GNA15: variants seen among roughly 807,000 people sequenced by gnomAD.
GNA15 encodes the protein G protein subunit alpha 15.
A neutral mutation model predicts 40.1 loss-of-function variants in GNA15; 23 were observed. The observed-to-expected ratio is 0.57, with a 90% confidence interval of 0.41 to 0.81. The LOEUF (loss-of-function observed/expected upper bound fraction) is 0.81. GNA15 is among the 40% of genes least tolerant of loss of function. The pLI is 0.00. For missense variants in GNA15, 522 were observed against 515.8 expected, an observed-to-expected ratio of 1.01 and a Z score of -0.12; for synonymous variants, 226 against 210.4, an observed-to-expected ratio of 1.07 and a Z score of -0.64.
At chr19:3,147,744 G>A (rs1288728208) in intron 1 of GNA15, among the ~76,000 whole-genome samples, 7 of 150,898 alleles carry the variant, frequency 4.6e-5, no homozygotes, top group Admixed American at 2.6e-4. Flanking sequence ...AAAATTAGCC[G>A]GGCGTGGTGG....
chr19:3,155,748 C>T lies in GNA15; in HGVS notation c.615-75C>T. 1.3e-6 allele frequency: 2 copies of T among 1,536,004 alleles called. No individual in the cohort carries two copies. The highest frequency in any genetic ancestry group is 1.8e-6 in the Non-Finnish European group (2 of 1,135,156). ...CGCTATTATGGATCTTGGCATATCC[C>T]AGACGTGATGGGGGTTGGGGGTGTC... On this transcript the variant is annotated intron_variant, in intron 4 of 6. Coordinates refer to ENST00000262958, the MANE Select transcript of GNA15 (RefSeq NM_002068.4). This position sits in a 1 kb window ranked among gnomAD's most constrained non-coding sequence, Gnocchi z 5.6.
chr19:3,156,342 C>A (rs1915020318), intron 5 of GNA15, among the ~76,000 whole-genome samples: 1 of 152,060 alleles, frequency 6.6e-6, no homozygotes, highest in Admixed American at 6.5e-5. Context: ...CACACGAACA[C>A]ACATGCACCA....
intron 1 of GNA15, among the ~76,000 whole-genome samples, chr19:3,137,311 G>A (rs1024872023): frequency 1.3e-5 from 2 of 152,162 alleles, no homozygotes; most frequent in Non-Finnish European, 2.9e-5. Context: ...GCTTCCATGC[G>A]GAGGCTTCAG....
intron 1 of GNA15, chr19:3,142,423 T>C (rs1320861667): frequency 3.9e-5 from 6 of 152,190 alleles, no homozygotes; most frequent in African/African-American, 1.4e-4. Flanking sequence ...AGGATTATCA[T>C]TTATTTCCTA....
intron 1 of GNA15, among the ~76,000 whole-genome samples, chr19:3,146,777 C>T (rs1420983030): frequency 6.6e-6 from 1 of 152,054 alleles, no homozygotes; most frequent in Non-Finnish European, 1.5e-5. Flanking sequence ...CCAGAGGGCG[C>T]CTGTGAGCAC....
intron 6 of GNA15, among the ~76,000 whole-genome samples, chr19:3,161,247 C>T (rs954821128): frequency 6.6e-6 from 1 of 152,212 alleles, no homozygotes; most frequent in Admixed American, 6.5e-5. Flanking sequence ...AGCCCTCATG[C>T]CTGGCCATGA....
chr19:3,162,840 T>C lies in GNA15; in HGVS notation c.946T>C (p.Tyr316His). Reference protein sequence around the residue: ...EAAKRFILDMYTRMYTGCVDG... With the variant: ...EAAKRFILDMHTRMYTGCVDG... ...AGCCAAGAGGTTCATCCTGGACATG[T>C]ACACGAGGATGTACACCGGGTGCGT... Residue 316 changes from tyrosine (Y) to histidine (H), a missense_variant, in exon 7 of 7, where the codon TAC becomes CAC. Tyr to His is a moderately conservative substitution (Grantham distance 83). Transcript: ENST00000262958. The C allele has an allele frequency of 6.2e-7, 1 of 1,614,006 alleles. No homozygotes were observed. The highest frequency in any genetic ancestry group is 1.1e-5 in the South Asian group (1 of 91,084).
intron 4 of GNA15, among the ~76,000 whole-genome samples, chr19:3,154,123 A>AATAGATGGATGGGTGGATGG: frequency 7.0e-6 from 1 of 142,178 alleles, no homozygotes; most frequent in Non-Finnish European, 1.5e-5. Flanking sequence ...TGAGTGAATG[A>AATAGATGGATGGGTGGATGG]ATAGATGGAT....
intron 1 of GNA15, among the ~76,000 whole-genome samples, chr19:3,140,142 G>A (rs1358223625): frequency 2.6e-5 from 4 of 150,972 alleles, no homozygotes; most frequent in Admixed American, 1.3e-4. Flanking sequence ...ATATCGATAT[G>A]TCTTATTATT....
Position 3,148,701 on chromosome 19 carries a change from A to T in GNA15, c.256A>T (p.Ile86Phe). ...KGFRPLVYQN[I>F]FVSMRAMIEA... ...CTTCCGGCCCCTGGTCTACCAGAAC[A>T]TCTTCGTGTCCATGCGGGCCATGAT... The change falls in exon 2 of 7, where the codon ATC becomes TTC. Residue 86 changes from isoleucine (I) to phenylalanine (F), a missense_variant. Transcript: ENST00000262958. 6.2e-7 allele frequency: 1 copy of T among 1,602,086 alleles called. No individual in the cohort carries two copies.
intron 1 of GNA15, among the ~76,000 whole-genome samples, chr19:3,138,988 C>T (rs1489299516): frequency 2.0e-5 from 3 of 148,362 alleles, no homozygotes; most frequent in East Asian, 2.0e-4. Flanking sequence ...CTCTGTCCCC[C>T]AGGTTGGAGT....
intron 1 of GNA15, among the ~76,000 whole-genome samples, chr19:3,145,290 T>G (rs1419804233): frequency 2.1e-5 from 3 of 145,128 alleles, no homozygotes; most frequent in Non-Finnish European, 4.5e-5. Context: ...CTACCTCAGC[T>G]TCATGAGTAG....
rs1189977825 is a variant in GNA15 at position 3,151,638 on chromosome 19, T to C, written c.486-69T>C. On this transcript the variant is annotated intron_variant, in intron 3 of 6. Transcript: ENST00000262958. The surrounding 1 kb of genome is among the most constrained non-coding windows in gnomAD (Gnocchi z 5.0). ...CCCCCAGCAGGGTCCTTGCTGGGCC[T>C]TTCGTAGGGCCTGGGAAGCAAAGGG... The C allele has an allele frequency of 2.0e-6, 3 of 1,474,278 alleles. No individual in the cohort carries two copies. The highest frequency in any genetic ancestry group is 4.7e-5 in the Admixed American group (2 of 42,286). The allele number at this position is 1,474,278 out of a possible 1,614,324, so 91.3% of individuals were successfully genotyped here. A position where few individuals can be genotyped will look rare whatever the true frequency, so the allele number is the denominator to read the frequency against.
At chr19:3,159,729 C>A (rs574312478) in intron 6 of GNA15, among the ~76,000 whole-genome samples, 1 of 152,176 alleles carries the variant, frequency 6.6e-6, no homozygotes, top group Non-Finnish European at 1.5e-5. Context: ...TTCTTTCATG[C>A]GGCACTTGTA....
rs1175825441 is a variant in GNA15, at chr19:3,162,329, A to G, written c.899-464A>G. ...GTGGCAGGCGCCTGTAATCCCAGCT[A>G]CTGCCAAGATTGCACCATTGCACTC... On this transcript the variant is annotated intron_variant, in intron 6 of 6. Transcript: ENST00000262958. Among the ~76,000 whole-genome samples, 3 of 151,590 alleles carry G rather than the reference A, an allele frequency of 2.0e-5. No individual in the cohort carries two copies. The East Asian group carries it at 5.8e-4, about 29-fold the overall frequency.
chr19:3,137,243 G>T (rs1315021180), intron 1 of GNA15, among the ~76,000 whole-genome samples: 2 of 152,228 alleles, frequency 1.3e-5, no homozygotes, highest in African/African-American at 4.8e-5. Flanking sequence ...AAACTCATAA[G>T]CAGATAAAAT....
Position 3,148,793 on chromosome 19 carries a change from GCAGGGGCCCAGGGCAGGCAGGGGCC to G in GNA15, c.330+24_330+48del. ...AGAGCAAGGTGAGCCGCCAGGGCAG[GCAGGGGCCCAGGGCAGGCAGGGGCC>G]CAGGGCAGGGTTCCCCAGACCCCGG... On this transcript the variant is annotated intron_variant, in intron 2 of 6. Coordinates refer to ENST00000262958, the MANE Select transcript of GNA15 (RefSeq NM_002068.4). 1.3e-6 allele frequency: 2 copies of G among 1,575,996 alleles called. No individual in the cohort carries two copies. The highest frequency in any genetic ancestry group is 1.7e-6 in the Non-Finnish European group (2 of 1,160,356).
chr19:3,152,669 G>A (rs1914906533), intron 4 of GNA15, among the ~76,000 whole-genome samples: 1 of 152,166 alleles, frequency 6.6e-6, no homozygotes, highest in Non-Finnish European at 1.5e-5. Context: ...GCAGTTAGAG[G>A]GTCACTGGTG....
rs961287273 is a variant in GNA15 at position 3,163,375 on chromosome 19, G to A, written c.*356G>A. The A allele has an allele frequency of 2.8e-6, 1 of 353,510 alleles. No homozygotes were observed. Among genetic ancestry groups the A allele is most frequent in the African/African-American group, 2.1e-5 (1 of 47,586 alleles). The allele number at this position is 353,510 out of a possible 1,614,324, so 21.9% of individuals were successfully genotyped here. ...CCGGGCGTGTCACCTCCTGGGCAGG[G>A]TTCTGGGACCCTCTGTGGGTGACGC... On this transcript the variant is annotated 3_prime_UTR_variant, in exon 7 of 7. Coordinates refer to ENST00000262958, the MANE Select transcript of GNA15 (RefSeq NM_002068.4).
Sources: allele counts gnomAD v4.1 joint callset (sites outside exome capture counted in the v4.1 genomes callset), GRCh38; gene constraint gnomAD v4.1.1; non-coding constraint Gnocchi (gnomAD v3.1); transcripts MANE v1.5; gene names NCBI Gene and HGNC (gene_info 2026-07-23, HGNC 2026-07-21).